The following SH2D4A variants were observed in gnomAD, a reference collection of about 807,000 sequenced individuals.
SH2D4A encodes the protein SH2 domain-containing protein 4A.
Under a neutral mutation model 64.7 loss-of-function variants are expected in SH2D4A, and 70 were observed. The ratio of observed to expected loss-of-function variants is 1.08; its 90% CI spans 0.89 to 1.32. The LOEUF (loss-of-function observed/expected upper bound fraction) is 1.32, where lower values mean the gene tolerates loss of function less well. SH2D4A is among the 40% of genes most tolerant of loss of function. The probability of loss-of-function intolerance (pLI) is 0.00; values close to 1 mark genes in which losing one functional copy is unlikely to be tolerated. For missense variants in SH2D4A, 706 were observed against 540.1 expected, an observed-to-expected ratio of 1.31 and a Z score of -3.04; for synonymous variants, 268 against 200.7, an observed-to-expected ratio of 1.34 and a Z score of -2.83.
intron 5 of SH2D4A, among the ~76,000 whole-genome samples, chr8:19,357,628 C>T (rs959414598): frequency 3.9e-5 from 6 of 152,206 alleles, no homozygotes; most frequent in Admixed American, 3.9e-4. Flanking sequence ...GAATTCAGAT[C>T]GAGTTACTTC....
At chr8:19,331,093 G>A (rs909809567) in intron 2 of SH2D4A, among the ~76,000 whole-genome samples, 9 of 152,126 alleles carry the variant, frequency 5.9e-5, no homozygotes, top group African/African-American at 2.2e-4. Context: ...TCTGCCCAGC[G>A]TCTCTGTTTA....
chr8:19,314,029 GGGTGTCC>G (rs35550040), intron 1 of SH2D4A: 1,015,874 of 1,138,166 alleles, frequency 0.89, 454,980 homozygotes, highest in East Asian at 0.99. Flanking sequence ...CGGCCGCGGC[GGGTGTCC>G]GGTGTCCGGT....
At chr8:19,328,271 C>T (rs1189182402) in intron 2 of SH2D4A, among the ~76,000 whole-genome samples, 1 of 152,104 alleles carries the variant, frequency 6.6e-6, no homozygotes, top group Non-Finnish European at 1.5e-5. Flanking sequence ...TTCTGGACTC[C>T]AATTCTGGAT....
In SH2D4A at chr8:19,394,678, G is replaced by A. The variant is rs1344254; in HGVS notation, c.*36G>A. On this transcript the variant is annotated 3_prime_UTR_variant, in exon 10 of 10. Coordinates refer to ENST00000265807, the MANE Select transcript of SH2D4A (RefSeq NM_022071.4). ...CAGGGTCATCCTACAGCCTCCAAGC[G>A]GGCTTTCCCCTGGACAAATGCCACT... is the stretch of plus-strand genomic sequence containing the variant. The A allele has an allele frequency of 0.1, 155,974 of 1,542,188 alleles. 8,753 individuals carry two copies. Among genetic ancestry groups the A allele is most frequent in the Admixed American group, 0.19 (10,578 of 54,734 alleles).
chr8:19,394,652 T>G lies in SH2D4A; in HGVS notation c.*10T>G. 6.3e-7 allele frequency: 1 copy of G among 1,597,902 alleles called. No homozygotes were observed. Among genetic ancestry groups the G allele is most frequent in the Non-Finnish European group, 8.5e-7 (1 of 1,169,644 alleles). ...GGAGCTGTTTGAGTGACAGCCTCCA[T>G]CAGGGTCATCCTACAGCCTCCAAGC... is the stretch of plus-strand genomic sequence containing the variant. On this transcript the variant is annotated 3_prime_UTR_variant, in exon 10 of 10. Coordinates refer to ENST00000265807, the MANE Select transcript of SH2D4A (RefSeq NM_022071.4).
intron 2 of SH2D4A, among the ~76,000 whole-genome samples, chr8:19,324,579 T>G (rs1177290276): frequency 6.6e-6 from 1 of 152,194 alleles, no homozygotes; most frequent in East Asian, 1.9e-4. Context: ...TAGATGCCTC[T>G]TGGTGTCTCT....
chr8:19,345,224 T>A (rs1214784808), intron 4 of SH2D4A, among the ~76,000 whole-genome samples: 4 of 152,228 alleles, frequency 2.6e-5, no homozygotes, highest in Non-Finnish European at 5.9e-5. Flanking sequence ...GGACCTCATA[T>A]CCTTGTCAAC....
chr8:19,366,191 G>A (rs1264898295), intron 7 of SH2D4A, among the ~76,000 whole-genome samples: 1 of 152,108 alleles, frequency 6.6e-6, no homozygotes, highest in East Asian at 1.9e-4. Flanking sequence ...ATAATTGTAT[G>A]TATTTATGGG....
chr8:19,380,883 G>C (rs1364702734), intron 8 of SH2D4A, among the ~76,000 whole-genome samples: 4 of 152,058 alleles, frequency 2.6e-5, no homozygotes, highest in Non-Finnish European at 4.4e-5. Context: ...TGAATTTTTG[G>C]ATGGGTTTTT....
chr8:19,394,668 G>A lies in SH2D4A; in HGVS notation c.*26G>A. ...CAGCCTCCATCAGGGTCATCCTACA[G>A]CCTCCAAGCGGGCTTTCCCCTGGAC... On this transcript the variant is annotated 3_prime_UTR_variant, in exon 10 of 10. Transcript: ENST00000265807. The A allele has an allele frequency of 6.4e-7, 1 of 1,562,804 alleles. No homozygotes were observed. The highest frequency in any genetic ancestry group is 8.7e-7 in the Non-Finnish European group (1 of 1,148,814).
At position 19,320,723 on chromosome 8, in the gene SH2D4A, C is replaced by G. The variant is rs905521424; in HGVS notation, c.181+995C>G. On this transcript the variant is annotated intron_variant, in intron 2 of 9. Transcript: ENST00000265807. ...TCCTCACTCCGTTCTCACTAACCCCCACACCCCCGCCTTGCTGTTTACATG... is the reference window on the plus strand; with the variant it reads ...TCCTCACTCCGTTCTCACTAACCCCGACACCCCCGCCTTGCTGTTTACATG... Among the ~76,000 whole-genome samples, 3 of 152,046 alleles carry G rather than the reference C, an allele frequency of 2.0e-5. No homozygotes were observed. In the South Asian group the frequency reaches 6.2e-4, roughly 32 times the overall value.
intron 8 of SH2D4A, among the ~76,000 whole-genome samples, chr8:19,376,652 T>C (rs572623711): frequency 1.3e-5 from 2 of 151,796 alleles, no homozygotes; most frequent in African/African-American, 4.8e-5. Flanking sequence ...ATAAAACAAA[T>C]CTCGTCCAAA....
At chr8:19,379,740 T>C (rs2053259913) in intron 8 of SH2D4A, among the ~76,000 whole-genome samples, 1 of 152,168 alleles carries the variant, frequency 6.6e-6, no homozygotes, top group Non-Finnish European at 1.5e-5. Context: ...TTCTTTTTCC[T>C]TTTTTCTCTT....
At position 19,320,623 on chromosome 8, in the gene SH2D4A, CAAAAAA is replaced by C. The variant is rs57328086; in HGVS notation, c.181+913_181+918del. Among the ~76,000 whole-genome samples, 297 of 68,862 alleles carry C rather than the reference CAAAAAA, an allele frequency of 4.3e-3. 2 individuals carry two copies. The highest frequency in any genetic ancestry group is 0.015 in the African/African-American group (281 of 19,190). 45.2% of individuals were successfully genotyped at this position (68,862 alleles called of 152,430 possible). A position where few individuals can be genotyped will look rare whatever the true frequency, so the allele number is the denominator to read the frequency against. ...TGGGTGACAGAGTGAGACTGTGTGT[CAAAAAA>C]AAAAAAAAAAAAAAAAAGACTTAAA... is the stretch of plus-strand genomic sequence containing the variant. On this transcript the variant is annotated intron_variant, in intron 2 of 9. Coordinates refer to ENST00000265807, the MANE Select transcript of SH2D4A (RefSeq NM_022071.4).
In SH2D4A at chr8:19,364,220, A is replaced by G. The variant is rs1426323322; in HGVS notation, c.855A>G (p.Arg285=). The change falls in exon 7 of 10, where the codon AGA becomes AGG. Residue 285 remains arginine, a synonymous_variant. Transcript: ENST00000265807. ...SPLRVPQKPE[R]PPLPPKPQFL... ...TGCGTGTTCCGCAGAAACCAGAAAG[A>G]CCTCCCCTTCCACCCAAGCCTCAGT... 1.9e-6 allele frequency: 3 copies of G among 1,613,876 alleles called. No individual in the cohort carries two copies. Among genetic ancestry groups the G allele is most frequent in the Non-Finnish European group, 2.5e-6 (3 of 1,179,970 alleles).
At chr8:19,389,013 G>A (rs181136893) in intron 8 of SH2D4A, among the ~76,000 whole-genome samples, 34 of 152,298 alleles carry the variant, frequency 2.2e-4, no homozygotes, top group African/African-American at 8.2e-4. Flanking sequence ...ACCCTGCATT[G>A]ACCACTTGAG....
chr8:19,342,791 T>G (rs2052549454), intron 4 of SH2D4A, among the ~76,000 whole-genome samples: 1 of 152,188 alleles, frequency 6.6e-6, no homozygotes, highest in Non-Finnish European at 1.5e-5. Flanking sequence ...CAGTGATACT[T>G]TAAACCAGAT....
At chr8:19,373,444 G>GTATA (rs10692584) in intron 7 of SH2D4A, 86 bp from the exon 8 acceptor site, 12,953 of 596,550 alleles carry the variant, frequency 0.022, 43 homozygotes, top group Middle Eastern at 0.029. Flanking sequence ...ATGTGTGTGT[G>GTATA]TATATATATA....
intron 1 of SH2D4A, among the ~76,000 whole-genome samples, chr8:19,315,719 C>T (rs1188258946): frequency 1.3e-5 from 2 of 152,132 alleles, no homozygotes; most frequent in African/African-American, 4.8e-5. Context: ...CGGAGATTTG[C>T]TGCCCTTGAT....
Sources: allele counts gnomAD v4.1 joint callset (sites outside exome capture counted in the v4.1 genomes callset), GRCh38; gene constraint gnomAD v4.1.1; transcripts MANE v1.5; gene names NCBI Gene and HGNC (gene_info 2026-07-23, HGNC 2026-07-21).